Variants in RERE observed in about 807,000 individuals in gnomAD.
RERE encodes the protein arginine-glutamic acid dipeptide repeats.
Under a neutral mutation model 146.1 loss-of-function variants are expected in RERE, and 40 were observed. The ratio of observed to expected loss-of-function variants is 0.27; its 90% confidence interval spans 0.21 to 0.36. The LOEUF is 0.36. RERE is among the 10% of genes least tolerant of loss of function. The probability of loss-of-function intolerance (pLI) is 1.00; values close to 1 mark genes in which losing one functional copy is unlikely to be tolerated. For missense variants in RERE, 1,933 were observed against 2,138.7 expected, an observed-to-expected ratio of 0.90 and a Z score of 1.90; for synonymous variants, 1,003 against 866.0, an observed-to-expected ratio of 1.16 and a Z score of -2.78.
intron 10 of RERE, among the ~76,000 whole-genome samples, chr1:8,484,759 T>C (rs1457050912): frequency 6.6e-6 from 1 of 152,202 alleles, no homozygotes; most frequent in Non-Finnish European, 1.5e-5. Context: ...TGTTCACATT[T>C]GAAATATTAA....
At position 8,798,650 on chromosome 1, in the gene RERE, G is replaced by A. The variant is rs558577982; in HGVS notation, c.-145+18510C>T. 4 of 216,360 alleles carry A rather than the reference G, an allele frequency of 1.8e-5. No homozygotes were observed. In the East Asian group the frequency reaches 4.4e-4, roughly 24 times the overall value. 13.4% of individuals were successfully genotyped at this position (216,360 alleles called of 1,614,324 possible). ...CTATCCCCACAAACTGACAGCTGTT[G>A]TGGGCAAGAAGAAGATGAAGAAGAG... is the stretch of plus-strand genomic sequence containing the variant. On this transcript the variant is annotated intron_variant, in intron 1 of 22. Coordinates refer to ENST00000400908, the MANE Select transcript of RERE (RefSeq NM_001042681.2).
At chr1:8,399,789 TTTA>T (rs972359854) in intron 12 of RERE, among the ~76,000 whole-genome samples, 24 of 152,126 alleles carry the variant, frequency 1.6e-4, no homozygotes, top group African/African-American at 5.3e-4. Flanking sequence ...CTTTTAATAT[TTTA>T]TTATGTCTTT....
At chr1:8,576,940 C>T (rs1646301787) in intron 4 of RERE, among the ~76,000 whole-genome samples, 1 of 152,114 alleles carries the variant, frequency 6.6e-6, no homozygotes, top group Non-Finnish European at 1.5e-5. Flanking sequence ...GAGGCCGAGG[C>T]AGGCAGATCA....
At chr1:8,789,747 G>A (rs923787887) in intron 1 of RERE, among the ~76,000 whole-genome samples, 6 of 152,038 alleles carry the variant, frequency 3.9e-5, no homozygotes, top group Non-Finnish European at 5.9e-5. Flanking sequence ...ACTGAACGCT[G>A]CGCATACCAT....
chr1:8,610,289 T>C lies in RERE; in HGVS notation c.522+4272A>G, dbSNP rs144548849. 4.6e-4 allele frequency among the ~76,000 whole-genome samples: 70 copies of C among 152,188 alleles called. 1 individual carries two copies. The East Asian group carries it at 0.013, about 28-fold the overall frequency. On this transcript the variant is annotated intron_variant, in intron 4 of 22. Coordinates refer to ENST00000400908, the MANE Select transcript of RERE (RefSeq NM_001042681.2). ...TTCAAGAGACTTTATGGATTTCAGA[T>C]TAAGAATGACGAGAATTTGGGCCGG...
At chr1:8,547,808 G>A (rs969303935) in intron 6 of RERE, among the ~76,000 whole-genome samples, 5 of 152,182 alleles carry the variant, frequency 3.3e-5, no homozygotes, top group African/African-American at 1.2e-4. Flanking sequence ...TTGGTAATAT[G>A]TAACAAACCG....
intron 1 of RERE, among the ~76,000 whole-genome samples, chr1:8,671,593 T>C (rs1183553465): frequency 1.3e-5 from 2 of 152,108 alleles, no homozygotes; most frequent in East Asian, 3.8e-4. Flanking sequence ...ATTTGAAAGA[T>C]TCTTGCCTTG....
intron 22 of RERE, 30 bp downstream of exon 22, chr1:8,355,389 C>T: frequency 6.2e-7 from 1 of 1,606,500 alleles, no homozygotes; most frequent in Non-Finnish European, 8.5e-7. Flanking sequence ...TCAGATAACC[C>T]CTCCACTCCC....
chr1:8,561,940 T>C (rs1022510472), intron 4 of RERE, among the ~76,000 whole-genome samples: 13 of 152,232 alleles, frequency 8.5e-5, no homozygotes, highest in African/African-American at 3.1e-4. Context: ...CTGTCTAAGT[T>C]TGAATCCTGG....
intron 1 of RERE, among the ~76,000 whole-genome samples, chr1:8,746,220 T>C (rs1569697785): frequency 2.0e-5 from 3 of 152,236 alleles, no homozygotes; most frequent in African/African-American, 4.8e-5. Flanking sequence ...AGAGATTGTA[T>C]CTATGTTAAC....
At chr1:8,781,077 G>C (rs1456201721) in intron 1 of RERE, among the ~76,000 whole-genome samples, 1 of 151,740 alleles carries the variant, frequency 6.6e-6, no homozygotes, top group South Asian at 2.1e-4. Flanking sequence ...AAAATTCTCG[G>C]CCAGGCACGG....
At chr1:8,563,556 T>C (rs528819754) in intron 4 of RERE, among the ~76,000 whole-genome samples, 2 of 152,328 alleles carry the variant, frequency 1.3e-5, no homozygotes, top group Admixed American at 6.5e-5. Flanking sequence ...GTGACAGAGA[T>C]ATCAAGGCCA....
chr1:8,736,618 A>C (rs761486447), intron 1 of RERE, among the ~76,000 whole-genome samples: 2 of 152,164 alleles, frequency 1.3e-5, no homozygotes, highest in Non-Finnish European at 2.9e-5. Flanking sequence ...AAAATATAAT[A>C]ATCTTGGAAT....
chr1:8,463,977 G>C (rs887805612), intron 11 of RERE, among the ~76,000 whole-genome samples: 7 of 152,106 alleles, frequency 4.6e-5, no homozygotes, highest in Non-Finnish European at 1.0e-4. Flanking sequence ...CAGGCTTTTC[G>C]CAGAATTTTA....
chr1:8,731,783 TG>T (rs869132534), intron 1 of RERE, among the ~76,000 whole-genome samples: 33 of 133,086 alleles, frequency 2.5e-4, no homozygotes, highest in Admixed American at 5.7e-4. Flanking sequence ...AATGTTTTTT[TG>T]TTTGTTTGTT....
chr1:8,476,423 C>T (rs1644757688), intron 10 of RERE, among the ~76,000 whole-genome samples: 1 of 152,122 alleles, frequency 6.6e-6, no homozygotes, highest in Admixed American at 6.5e-5. Flanking sequence ...AGTGACAAAG[C>T]AAGCACACTG....
intron 3 of RERE, among the ~76,000 whole-genome samples, chr1:8,621,222 G>A (rs1002634578): frequency 6.6e-6 from 1 of 152,156 alleles, no homozygotes; most frequent in African/African-American, 2.4e-5. Context: ...CATAGAGGCA[G>A]CTGTGTTCTA....
In RERE at chr1:8,736,871, A is replaced by AC. The variant is rs1444534102; in HGVS notation, c.-145+80288_-145+80289insG. Among the ~76,000 whole-genome samples, 418 of 148,828 alleles carry AC rather than the reference A, an allele frequency of 2.8e-3. 2 individuals carry two copies. The highest frequency in any genetic ancestry group is 6.2e-3 in the East Asian group (32 of 5,140). ...AGGGGGAAAAAAAAAAAAAAAAAAA[A>AC]AAAACTAAAACCTTTGGAGAGTCAT... On this transcript the variant is annotated intron_variant, in intron 1 of 22. Transcript: ENST00000400908.
intron 1 of RERE, among the ~76,000 whole-genome samples, chr1:8,812,943 TAAAA>T (rs898887859): frequency 6.7e-6 from 1 of 149,582 alleles, no homozygotes; most frequent in Non-Finnish European, 1.5e-5. Flanking sequence ...CTCCATTATT[TAAAA>T]AAAAAACACA....
Sources: gnomAD v4.1 joint callset for allele counts (sites outside exome capture counted in the v4.1 genomes callset) on GRCh38, gnomAD v4.1.1 for gene constraint, MANE v1.5 for transcripts, NCBI Gene and HGNC (gene_info 2026-07-23, HGNC 2026-07-21) for gene names.